The following TRIP11 variants were observed in gnomAD, a reference collection of about 807,000 sequenced individuals.
The protein encoded by TRIP11 is thyroid hormone receptor interactor 11.
TRIP11 carries 148 observed loss-of-function variants against 223.1 expected under a neutral mutation model. The observed-to-expected ratio is 0.66, with a 90% CI of 0.58 to 0.76. The LOEUF (loss-of-function observed/expected upper bound fraction) is 0.76, where lower values mean the gene tolerates loss of function less well. TRIP11 is among the 30% of genes least tolerant of loss of function. The pLI is 0.00. For synonymous variants in TRIP11, 762 were observed against 772.6 expected, an observed-to-expected ratio of 0.99 and a Z score of 0.23; for missense variants, 2,043 against 2,222.0, an observed-to-expected ratio of 0.92 and a Z score of 1.62.
Position 92,037,263 on chromosome 14 carries a change from A to G in TRIP11, c.139+2284T>C, listed in dbSNP as rs1262837395. 2.6e-5 allele frequency among the ~76,000 whole-genome samples: 4 copies of G among 152,200 alleles called. No homozygotes were observed. Among genetic ancestry groups the G allele is most frequent in the African/African-American group, 9.7e-5 (4 of 41,442 alleles). ...TGGGCATCAGGAAAACAGATAAATT[A>G]TAACTCAACATGTTAAATGCTGTCA... On this transcript the variant is annotated intron_variant, in intron 1 of 20. Transcript: ENST00000267622. This position sits in a 1 kb window ranked among gnomAD's most constrained non-coding sequence, Gnocchi z 4.2.
chr14:91,982,406 C>T (rs1268996617), intron 16 of TRIP11, among the ~76,000 whole-genome samples: 4 of 151,994 alleles, frequency 2.6e-5, no homozygotes, highest in African/African-American at 7.3e-5. Flanking sequence ...GGGAGCCACA[C>T]ATTGGGTACA....
intron 15 of TRIP11, among the ~76,000 whole-genome samples, chr14:91,992,314 G>A (rs532718575): frequency 1.8e-3 from 279 of 152,148 alleles, no homozygotes; most frequent in Non-Finnish European, 2.9e-3. Context: ...TTGCCTAAGA[G>A]GTGGAAGATG....
rs2056544545 is a variant in TRIP11, at chr14:91,981,486, G to C, written c.5261-5297C>G. 2.6e-5 allele frequency among the ~76,000 whole-genome samples: 4 copies of C among 151,918 alleles called. No individual in the cohort carries two copies. The South Asian group carries it at 8.3e-4, about 32-fold the overall frequency. On this transcript the variant is annotated intron_variant, in intron 16 of 20. Transcript: ENST00000267622. ...CTCACTGCAACCTCTGCCTCCCAAG[G>C]TTCAAGCGTTTCTTGCACCTCAGCC...
chr14:92,024,486 T>C (rs2057156139), intron 3 of TRIP11, among the ~76,000 whole-genome samples: 1 of 152,192 alleles, frequency 6.6e-6, no homozygotes, highest in African/African-American at 2.4e-5. Flanking sequence ...TCCCAACAAA[T>C]TGGAAATTTA....
chr14:91,986,189 T>C (rs1713004247), intron 16 of TRIP11, among the ~76,000 whole-genome samples: 1 of 152,216 alleles, frequency 6.6e-6, no homozygotes, highest in African/African-American at 2.4e-5. Context: ...TGAATATTAG[T>C]ATTTTCCACC....
chr14:92,035,151 A>AC (rs2057310387), intron 1 of TRIP11, among the ~76,000 whole-genome samples: 1 of 64,816 alleles, frequency 1.5e-5, no homozygotes, highest in South Asian at 5.1e-4. Context: ...CTAAAAATAC[A>AC]AAAAAAAAAA....
In TRIP11 at chr14:91,969,648, A is replaced by G. The variant is rs1430925171; in HGVS notation, c.*25T>C. On this transcript the variant is annotated 3_prime_UTR_variant, in exon 21 of 21. Transcript: ENST00000267622. ...GTGTTCATGGTTTCTTTAAAGTGCT[A>G]GATTGTCTCTGGCTTGAGAATCATC... The G allele has an allele frequency of 6.2e-7, 1 of 1,608,756 alleles. No individual in the cohort carries two copies. The highest frequency in any genetic ancestry group is 2.2e-5 in the East Asian group (1 of 44,866).
At chr14:92,018,801 C>CA (rs907363674) in intron 4 of TRIP11, among the ~76,000 whole-genome samples, 77 of 146,814 alleles carry the variant, frequency 5.2e-4, no homozygotes, top group African/African-American at 1.6e-3. Context: ...ATTAAAAATA[C>CA]AAAAAAAAAA....
At chr14:92,019,980 T>G (rs1021900900) in intron 4 of TRIP11, among the ~76,000 whole-genome samples, 8 of 152,134 alleles carry the variant, frequency 5.3e-5, no homozygotes, top group Non-Finnish European at 7.4e-5. Flanking sequence ...TATTCCAAAA[T>G]CTGGCCGGAT....
intron 13 of TRIP11, among the ~76,000 whole-genome samples, chr14:91,996,561 A>T (rs2056753791): frequency 6.6e-6 from 1 of 152,188 alleles, no homozygotes; most frequent in Admixed American, 6.5e-5. Context: ...CAAATAAAAG[A>T]AAAAGGTACA....
chr14:92,025,878 C>CAAAAAAAAAAAAAAAAAAA (rs372915026), intron 2 of TRIP11, among the ~76,000 whole-genome samples: 1 of 74,058 alleles, frequency 1.4e-5, no homozygotes, highest in African/African-American at 4.7e-5. Flanking sequence ...GACTCCGTCT[C>CAAAAAAAAAAAAAAAAAAA]AAAAAAAAAA....
In TRIP11 at chr14:92,005,615, A is replaced by G; in HGVS notation, c.2361T>C (p.Thr787=). The G allele has an allele frequency of 6.2e-7, 1 of 1,613,956 alleles. No individual in the cohort carries two copies. The highest frequency in any genetic ancestry group is 1.1e-5 in the South Asian group (1 of 91,074). Residue 787 remains threonine, a synonymous_variant, in exon 11 of 21, where the codon ACT becomes ACC. Transcript: ENST00000267622. ...AAACGTCCTTAGTTTCTTTATGGTC[A>G]GTATCCATTTGTTCAATATTCTTTT... The part of the protein sequence containing the change: ...ELKKNIEQMD[T]DHKETKDVLS...
Position 91,972,807 on chromosome 14 carries a change from G to A in TRIP11, c.5629C>T (p.Pro1877Ser), listed in dbSNP as rs148261539. ...TCATGAACAGAAAGCTTTGGTGGTG[G>A]AATGGATGGATGAGATTCTGTTTCT... Reference protein sequence around the residue: ...FLETESHPSIPPPKLSVHDMK... With the variant: ...FLETESHPSISPPKLSVHDMK... Residue 1877 changes from proline to serine, a missense_variant, in exon 20 of 21, where the codon CCA becomes TCA. By Grantham distance (74) the Pro-to-Ser change is moderately conservative (BLOSUM62 -1). Coordinates refer to ENST00000267622, the MANE Select transcript of TRIP11 (RefSeq NM_004239.4). 6.2e-7 allele frequency: 1 copy of A among 1,612,858 alleles called. No homozygotes were observed. Among genetic ancestry groups the A allele is most frequent in the Non-Finnish European group, 8.5e-7 (1 of 1,179,374 alleles).
intron 11 of TRIP11, among the ~76,000 whole-genome samples, chr14:92,003,190 T>C (rs1035576926): frequency 3.6e-4 from 55 of 152,208 alleles, no homozygotes; most frequent in African/African-American, 1.2e-3. Flanking sequence ...CTTAGCAATC[T>C]GTAAAAAATT....
At chr14:91,972,145 C>T (rs1046974878) in intron 20 of TRIP11, among the ~76,000 whole-genome samples, 5 of 152,152 alleles carry the variant, frequency 3.3e-5, no homozygotes, top group Admixed American at 6.5e-5. Flanking sequence ...AATATGTACA[C>T]GTTAACCACC....
At chr14:92,028,742 G>A (rs2057221386) in intron 2 of TRIP11, among the ~76,000 whole-genome samples, 1 of 152,306 alleles carries the variant, frequency 6.6e-6, no homozygotes, top group Non-Finnish European at 1.5e-5. Context: ...CAAATGAAAA[G>A]AGAGACAGAC....
chr14:91,969,825 C>T lies in TRIP11; in HGVS notation c.5788G>A (p.Val1930Ile), dbSNP rs773809031. The T allele has an allele frequency of 5.0e-6, 8 of 1,614,188 alleles. No individual in the cohort carries two copies. The highest frequency in any genetic ancestry group is 6.8e-6 in the Non-Finnish European group (8 of 1,180,030). Reference protein sequence around the residue: ...NPFLAPRSAAVPLINPAGLGP... With the variant: ...NPFLAPRSAAIPLINPAGLGP... ...AGTCCAGCTGGGTTAATAAGAGGTA[C>T]AGCTGCCGAGCGAGGAGCCAAAAAC... is the stretch of plus-strand genomic sequence containing the variant. Residue 1930 changes from valine to isoleucine, a missense_variant, in exon 21 of 21, where the codon GTA becomes ATA. Transcript: ENST00000267622.
At chr14:92,014,767 T>C (rs2140130185) in intron 6 of TRIP11, among the ~76,000 whole-genome samples, 190 bp from the exon 7 acceptor site, 1 of 152,330 alleles carries the variant, frequency 6.6e-6, no homozygotes, top group East Asian at 1.9e-4. Context: ...CATAAAGGCC[T>C]ATGTATCTTA....
At chr14:91,981,012 A>ATATATTT (rs1301331303) in intron 16 of TRIP11, among the ~76,000 whole-genome samples, 7 of 49,946 alleles carry the variant, frequency 1.4e-4, no homozygotes, top group African/African-American at 4.7e-4. Context: ...ATATATATAT[A>ATATATTT]TTTTTTTTTT....
Sources: allele counts gnomAD v4.1 joint callset (sites outside exome capture counted in the v4.1 genomes callset), GRCh38; gene constraint gnomAD v4.1.1; non-coding constraint Gnocchi (gnomAD v3.1); transcripts MANE v1.5; gene names NCBI Gene and HGNC (gene_info 2026-07-23, HGNC 2026-07-21).